Variants in ANXA13 observed in about 807,000 individuals in gnomAD.
ANXA13 encodes the protein annexin XIII.
In ANXA13, 36 loss-of-function variants were observed where a neutral mutation model predicts 46.6. The observed-to-expected ratio is 0.77, with a 90% CI of 0.59 to 1.02. The LOEUF (loss-of-function observed/expected upper bound fraction) is 1.02. ANXA13 is among the 50% of genes least tolerant of loss of function. The pLI is 0.00. For missense variants in ANXA13, 417 were observed against 396.5 expected, an observed-to-expected ratio of 1.05 and a Z score of -0.44; for synonymous variants, 163 against 152.9, an observed-to-expected ratio of 1.07 and a Z score of -0.49.
intron 10 of ANXA13, among the ~76,000 whole-genome samples, chr8:123,681,915 G>A (rs548626673): frequency 1.7e-3 from 265 of 152,218 alleles, no homozygotes; most frequent in African/African-American, 5.9e-3. Context: ...GTGAGCCACC[G>A]TGCCTGGCCC....
chr8:123,709,422 C>T (rs1161802295), intron 2 of ANXA13, among the ~76,000 whole-genome samples: 1 of 151,748 alleles, frequency 6.6e-6, no homozygotes, highest in African/African-American at 2.4e-5. Context: ...TCTCTTCTCT[C>T]TCCCTATCTT....
rs35546652 is a variant in ANXA13, at chr8:123,683,424, CT to C, written c.831+1185del. ...CTTCACCTCCCCCTTCATTTAACCA[CT>C]TTTTTTTTTTTTTTTTGAGGGAAGA... On this transcript the variant is annotated intron_variant, in intron 10 of 10. Coordinates refer to ENST00000419625, the MANE Select transcript of ANXA13 (RefSeq NM_004306.4). 3.4e-3 allele frequency among the ~76,000 whole-genome samples: 392 copies of C among 114,474 alleles called. 2 individuals are homozygous for C. Among genetic ancestry groups the C allele is most frequent in the Middle Eastern group, 5.0e-3 (1 of 202 alleles). 75.1% of individuals were successfully genotyped at this position (114,474 alleles called of 152,430 possible).
chr8:123,693,679 A>G, intron 7 of ANXA13, 32 bp downstream of exon 7: 1 of 1,566,064 alleles, frequency 6.4e-7, no homozygotes, highest in Non-Finnish European at 8.7e-7. Flanking sequence ...TAAAAAAAGA[A>G]TTTGCAGAGA....
intron 2 of ANXA13, among the ~76,000 whole-genome samples, chr8:123,708,275 G>C (rs556116097): frequency 1.3e-5 from 2 of 152,348 alleles, no homozygotes; most frequent in South Asian, 4.1e-4. Flanking sequence ...GCCTCAGGAA[G>C]TGCCTCCGGG....
intron 1 of ANXA13, among the ~76,000 whole-genome samples, chr8:123,716,184 C>T (rs1051601524): frequency 2.0e-5 from 3 of 152,184 alleles, no homozygotes; most frequent in African/African-American, 7.2e-5. Context: ...CTCCCGGGTT[C>T]AAGCGATTCT....
At chr8:123,731,701 C>A (rs2891797) in intron 1 of ANXA13, among the ~76,000 whole-genome samples, 9 of 151,968 alleles carry the variant, frequency 5.9e-5, no homozygotes, top group Admixed American at 5.9e-4. Flanking sequence ...AGGAAGACCC[C>A]CCATCTCTAC....
At position 123,712,456 on chromosome 8, in the gene ANXA13, A is replaced by G. The variant is rs564911832; in HGVS notation, c.91+222T>C. 22 of 572,670 alleles carry G rather than the reference A, an allele frequency of 3.8e-5. No homozygotes were observed. In the South Asian group the frequency reaches 4.2e-4, roughly 11 times the overall value. The allele number at this position is 572,670 out of a possible 1,614,324, so 35.5% of individuals were successfully genotyped here. On this transcript the variant is annotated intron_variant, in intron 2 of 10. Transcript: ENST00000419625. Reference sequence around the variant, plus strand: ...ACCTCAAGTTCAAATTAAACGTCACAATATCCAACTCCTAGCTGTTATATA... The same window carrying G: ...ACCTCAAGTTCAAATTAAACGTCACGATATCCAACTCCTAGCTGTTATATA...
intron 3 of ANXA13, 41 bp downstream of exon 3, chr8:123,702,601 C>T (rs1243662420): frequency 6.5e-7 from 1 of 1,535,092 alleles, no homozygotes; most frequent in Admixed American, 1.7e-5. Context: ...ACGGCTGAGG[C>T]CATGGCTGGG....
chr8:123,683,213 G>C (rs188892563), intron 10 of ANXA13, among the ~76,000 whole-genome samples: 1 of 152,122 alleles, frequency 6.6e-6, no homozygotes, highest in East Asian at 1.9e-4. Context: ...GAGAGAGAGA[G>C]ACATGGCCTT....
chr8:123,681,512 T>A (rs1452216662), intron 10 of ANXA13, among the ~76,000 whole-genome samples, 153 bp from the exon 11 acceptor site: 4 of 152,146 alleles, frequency 2.6e-5, no homozygotes, highest in Non-Finnish European at 1.5e-5. Context: ...ATTTCCTTTA[T>A]CACGTTATTT....
intron 4 of ANXA13, among the ~76,000 whole-genome samples, chr8:123,696,036 G>C (rs534124683): frequency 2.6e-5 from 4 of 152,012 alleles, no homozygotes; most frequent in Non-Finnish European, 5.9e-5. Flanking sequence ...TCCTCGCCTG[G>C]TCTCACTCTC....
rs1490930929 is a variant in ANXA13 at position 123,720,150 on chromosome 8, T to C, written c.16-7397A>G. Among the ~76,000 whole-genome samples, 5 of 152,270 alleles carry C rather than the reference T, an allele frequency of 3.3e-5. No individual in the cohort carries two copies. The East Asian group carries it at 9.6e-4, about 29-fold the overall frequency. On this transcript the variant is annotated intron_variant, in intron 1 of 10. Coordinates refer to ENST00000419625, the MANE Select transcript of ANXA13 (RefSeq NM_004306.4). ...CTGCTCAGTAAACATTTGACAATGG[T>C]TGCTTAGTATCTGGGCTGTGAGCCA...
chr8:123,694,939 C>T (rs571914152), intron 6 of ANXA13, among the ~76,000 whole-genome samples: 8 of 151,704 alleles, frequency 5.3e-5, no homozygotes, highest in Admixed American at 1.3e-4. Flanking sequence ...GCACAGAGCT[C>T]GTAAAGATGA....
At chr8:123,703,242 AG>A (rs1813478913) in intron 2 of ANXA13, among the ~76,000 whole-genome samples, 1 of 152,180 alleles carries the variant, frequency 6.6e-6, no homozygotes, top group African/African-American at 2.4e-5. Context: ...GCTAAGTGAA[AG>A]AAGTCAATCA....
In ANXA13 at chr8:123,723,677, G is replaced by A. The variant is rs116530974; in HGVS notation, c.16-10924C>T. Among the ~76,000 whole-genome samples the A allele has an allele frequency of 2.2e-3, 341 of 152,302 alleles. 1 individual carries two copies. The highest frequency in any genetic ancestry group is 8.1e-3 in the African/African-American group (335 of 41,538). On this transcript the variant is annotated intron_variant, in intron 1 of 10. Coordinates refer to ENST00000419625, the MANE Select transcript of ANXA13 (RefSeq NM_004306.4). ...GCTTTTGTTTTCTCCTGGAGAGCTG[G>A]TGGTGAGACATATTCTAGCACACCA...
At chr8:123,683,395 C>G (rs143358700) in intron 10 of ANXA13, among the ~76,000 whole-genome samples, 2 of 150,764 alleles carry the variant, frequency 1.3e-5, no homozygotes, top group African/African-American at 4.9e-5. Flanking sequence ...TGGTGTCCCT[C>G]CCCCTTCACC....
rs776896732 is a variant in ANXA13, at chr8:123,684,596, G to A, written c.831+14C>T. On this transcript the variant is annotated intron_variant, in intron 10 of 10. Transcript: ENST00000419625. ...AAGTTGCAGCCGCCTCTTTGGAGTC[G>A]GAGTGTGTCTTACCTCGGCCCTGGT... 73 of 1,573,562 alleles carry A rather than the reference G, an allele frequency of 4.6e-5. No individual in the cohort carries two copies. The highest frequency in any genetic ancestry group is 5.9e-5 in the Non-Finnish European group (68 of 1,143,638).
chr8:123,693,753 C>A lies in ANXA13; in HGVS notation c.498G>T (p.Val166=). ...CATCCTGACCAGCTAGATCTTTGTC[C>A]ACGTCATCTCCTTCATTGCGATTAG... ...LQANRNEGDD[V]DKDLAGQDAK... is the part of the protein sequence containing the mutation. Residue 166 remains valine, a synonymous_variant, in exon 7 of 11, where the codon GTG becomes GTT. Coordinates refer to ENST00000419625, the MANE Select transcript of ANXA13 (RefSeq NM_004306.4). 6.2e-7 allele frequency: 1 copy of A among 1,614,074 alleles called. No homozygotes were observed. The highest frequency in any genetic ancestry group is 1.1e-5 in the South Asian group (1 of 91,084).
intron 3 of ANXA13, among the ~76,000 whole-genome samples, 172 bp downstream of exon 3, chr8:123,702,470 C>A (rs1586322604): frequency 6.6e-6 from 1 of 152,150 alleles, no homozygotes; most frequent in African/African-American, 2.4e-5. Flanking sequence ...GTTAACAAAG[C>A]AATTTCAGTT....
Sources: allele counts gnomAD v4.1 joint callset (sites outside exome capture counted in the v4.1 genomes callset), GRCh38; gene constraint gnomAD v4.1.1; transcripts MANE v1.5; gene names NCBI Gene and HGNC (gene_info 2026-07-23, HGNC 2026-07-21).